The following LSM1 variants were observed in gnomAD, a reference collection of about 807,000 sequenced individuals.
LSM1 encodes the protein U6 snRNA-associated Sm-like protein LSm1.
A neutral mutation model predicts 18.0 loss-of-function variants in LSM1; 13 were observed. The ratio of observed to expected loss-of-function variants is 0.72; its 90% CI spans 0.47 to 1.15. LSM1 has a LOEUF of 1.15. Among genes scored for constraint, LSM1 ranks in the 50% most tolerant of loss-of-function variants. The pLI is 0.00. For missense variants in LSM1, 152 were observed against 157.7 expected (o/e 0.96, Z 0.19); for synonymous variants, 46 against 56.0 (o/e 0.82, Z 0.80).
chr8:38,173,696 G>C (rs1193758415), intron 1 of LSM1, among the ~76,000 whole-genome samples: 2 of 152,190 alleles, frequency 1.3e-5, no homozygotes, highest in Admixed American at 1.3e-4. Flanking sequence ...TCAGGGTGAA[G>C]GTTATTAGCT....
chr8:38,165,299 G>A (rs373717213), intron 3 of LSM1, among the ~76,000 whole-genome samples: 6 of 152,112 alleles, frequency 3.9e-5, no homozygotes, highest in East Asian at 3.8e-4. Flanking sequence ...GTTGCAGTGA[G>A]CGGAGATCAC....
intron 3 of LSM1, among the ~76,000 whole-genome samples, chr8:38,167,792 T>C (rs1389058259): frequency 2.6e-5 from 4 of 152,074 alleles, no homozygotes; most frequent in African/African-American, 9.7e-5. Flanking sequence ...CATGTACCTA[T>C]AGTCCCGGCT....
intron 1 of LSM1, among the ~76,000 whole-genome samples, chr8:38,174,621 C>A (rs975388667): frequency 6.6e-6 from 1 of 152,142 alleles, no homozygotes; most frequent in African/African-American, 2.4e-5. Context: ...CCTCGAGCAA[C>A]TAAAACATCC....
chr8:38,170,807 C>G (rs757864588), intron 2 of LSM1: 2 of 219,842 alleles, frequency 9.1e-6, no homozygotes, highest in Non-Finnish European at 2.0e-5. Context: ...TCTGATGAAT[C>G]TGACTTAAGA....
chr8:38,167,388 T>C (rs886870954), intron 3 of LSM1, among the ~76,000 whole-genome samples: 6 of 152,174 alleles, frequency 3.9e-5, no homozygotes, highest in African/African-American at 1.4e-4. Context: ...GTTACCCAGG[T>C]TGGAGTGCAG....
Position 38,163,518 on chromosome 8 carries a change from TTTC to T in LSM1, c.*149_*151del, listed in dbSNP as rs1802876669. 1.6e-6 allele frequency: 1 copy of T among 636,990 alleles called. No individual in the cohort carries two copies. Among genetic ancestry groups the T allele is most frequent in the Admixed American group, 3.1e-5 (1 of 32,090 alleles). The allele number at this position is 636,990 out of a possible 1,614,324, so 39.5% of individuals were successfully genotyped here. A position where few individuals can be genotyped will look rare whatever the true frequency, so the allele number is the denominator to read the frequency against. On this transcript the variant is annotated 3_prime_UTR_variant, in exon 4 of 4. Transcript: ENST00000311351. ...TTAAAAAAAAAACCCACCTACACGATTTCTTCATGTTGCATATGTAAAATAATT... is the reference window on the plus strand; with the variant it reads ...TTAAAAAAAAAACCCACCTACACGATTTCATGTTGCATATGTAAAATAATT...
At chr8:38,173,983 G>C (rs1304645038) in intron 1 of LSM1, among the ~76,000 whole-genome samples, 1 of 152,180 alleles carries the variant, frequency 6.6e-6, no homozygotes, top group South Asian at 2.1e-4. Flanking sequence ...ATCAAGAGAA[G>C]AGAATTAAAG....
Position 38,171,880 on chromosome 8 carries a change from T to C in LSM1, c.115+85A>G. 3 of 1,036,358 alleles carry C rather than the reference T, an allele frequency of 2.9e-6. No individual in the cohort carries two copies. In the South Asian group the frequency reaches 4.1e-5, roughly 14 times the overall value. 64.2% of individuals were successfully genotyped at this position (1,036,358 alleles called of 1,614,324 possible). A position where few individuals can be genotyped will look rare whatever the true frequency, so the allele number is the denominator to read the frequency against. On this transcript the variant is annotated intron_variant, in intron 2 of 3. Transcript: ENST00000311351. ...GTCACACACGTGAAAAAGTTGCAGA[T>C]AAATTTCAATATTAAATAACAAAAA...
At chr8:38,171,380 C>T (rs920785561) in intron 2 of LSM1, among the ~76,000 whole-genome samples, 4 of 152,220 alleles carry the variant, frequency 2.6e-5, no homozygotes, top group Admixed American at 6.5e-5. Context: ...ACCTTCTAGA[C>T]ACCAAGGGAC....
chr8:38,172,530 T>C (rs918776274), intron 1 of LSM1, among the ~76,000 whole-genome samples: 2 of 152,034 alleles, frequency 1.3e-5, no homozygotes, highest in Admixed American at 6.6e-5. Context: ...CCATGTTAGC[T>C]AGGCTGGTCT....
chr8:38,174,367 A>C (rs1056695114), intron 1 of LSM1, among the ~76,000 whole-genome samples: 3 of 152,162 alleles, frequency 2.0e-5, no homozygotes, highest in Non-Finnish European at 4.4e-5. Context: ...ACAGACAAAA[A>C]GGGAGGAATC....
rs192855227 is a variant in LSM1 at position 38,167,344 on chromosome 8, C to T, written c.231+2458G>A. Among the ~76,000 whole-genome samples, 309 of 152,232 alleles carry T rather than the reference C, an allele frequency of 2.0e-3. 2 individuals are homozygous for T. The highest frequency in any genetic ancestry group is 7.1e-3 in the African/African-American group (295 of 41,546). On this transcript the variant is annotated intron_variant, in intron 3 of 3. Transcript: ENST00000311351. The stretch of plus-strand genomic sequence containing the variant: ...TTACTACTATAAAACAGAAGCATAT[C>T]TGTGAATATTTTCTTGAGAAAGGGT...
chr8:38,174,315 A>G (rs1316707541), intron 1 of LSM1, among the ~76,000 whole-genome samples: 1 of 152,150 alleles, frequency 6.6e-6, no homozygotes, highest in Non-Finnish European at 1.5e-5. Flanking sequence ...GCTAACAACG[A>G]AAAAAGGTTC....
intron 1 of LSM1, 135 bp downstream of exon 1, chr8:38,176,140 C>A: frequency 1.5e-6 from 1 of 672,188 alleles, no homozygotes; most frequent in Non-Finnish European, 2.6e-6. Flanking sequence ...AGGACATCGA[C>A]GCGGAACGCC....
chr8:38,171,667 A>AAAAACAAAAC (rs1406458311), intron 2 of LSM1, among the ~76,000 whole-genome samples: 2 of 152,210 alleles, frequency 1.3e-5, no homozygotes, highest in East Asian at 1.9e-4. Flanking sequence ...CGTCTAAACA[A>AAAAACAAAAC]AAAACAAAAC....
intron 1 of LSM1, chr8:38,176,032 C>G (rs1803131792): frequency 2.3e-6 from 1 of 427,182 alleles, no homozygotes; most frequent in Non-Finnish European, 4.2e-6. Context: ...TGAGTTCCAT[C>G]GCTTGGGGCT....
chr8:38,174,622 T>A (rs940014884), intron 1 of LSM1, among the ~76,000 whole-genome samples: 4 of 152,182 alleles, frequency 2.6e-5, no homozygotes, highest in Admixed American at 2.6e-4. Flanking sequence ...CTCGAGCAAC[T>A]AAAACATCCT....
intron 3 of LSM1, among the ~76,000 whole-genome samples, chr8:38,164,462 C>T (rs1377229391): frequency 6.6e-6 from 1 of 151,806 alleles, no homozygotes; most frequent in Admixed American, 6.6e-5. Context: ...CAGCTATCTC[C>T]CCCACTGCAG....
intron 3 of LSM1, among the ~76,000 whole-genome samples, chr8:38,165,210 G>A (rs1349665551): frequency 1.3e-5 from 2 of 152,078 alleles, no homozygotes; most frequent in African/African-American, 4.8e-5. Context: ...AAAATTAGCT[G>A]GGCGTGGTGG....
Sources: gnomAD v4.1 joint callset for allele counts (sites outside exome capture counted in the v4.1 genomes callset) on GRCh38, gnomAD v4.1.1 for gene constraint, MANE v1.5 for transcripts, NCBI Gene and HGNC (gene_info 2026-07-23, HGNC 2026-07-21) for gene names.